The following PTGS1 variants were observed in gnomAD, a reference collection of about 807,000 sequenced individuals.
PTGS1 encodes the protein prostaglandin G/H synthase 1.
A neutral mutation model predicts 63.0 loss-of-function variants in PTGS1; 40 were observed. The ratio of observed to expected loss-of-function variants is 0.63; its 90% CI spans 0.49 to 0.83. The LOEUF is 0.83. PTGS1 is among the 40% of genes least tolerant of loss of function. The probability of loss-of-function intolerance (pLI) is 0.00; values close to 1 mark genes in which losing one functional copy is unlikely to be tolerated. For missense variants in PTGS1, 709 were observed against 786.5 expected, an observed-to-expected ratio of 0.90 and a Z score of 1.18; for synonymous variants, 298 against 301.9, an observed-to-expected ratio of 0.99 and a Z score of 0.13.
At chr9:122,391,712 AT>A (rs150230322) in intron 10 of PTGS1, among the ~76,000 whole-genome samples, 3,563 of 151,220 alleles carry the variant, frequency 0.024, 120 homozygotes, top group African/African-American at 0.081. Flanking sequence ...CCCATGACAA[AT>A]GGTCCCCGGG....
At chr9:122,381,297 G>A (rs1837496617) in intron 5 of PTGS1, 74 bp from the exon 6 acceptor site, 2 of 1,498,116 alleles carry the variant, frequency 1.3e-6, no homozygotes, top group Middle Eastern at 2.2e-4. Context: ...CAGTTTGCCT[G>A]GTGAGCCCAG....
rs139319631 is a variant in PTGS1, at chr9:122,386,697, C to T, written c.1261C>T (p.Leu421=). 2.2e-4 allele frequency: 350 copies of T among 1,614,214 alleles called. 1 individual carries two copies. The African/African-American group carries it at 2.3e-3, about 11-fold the overall frequency. Reference sequence around the variant, plus strand: ...GTTGGTGGACTATGGGGTTGAGGCCCTGGTGGATGCCTTCTCTCGCCAGAT... The same window carrying T: ...GTTGGTGGACTATGGGGTTGAGGCCTTGGTGGATGCCTTCTCTCGCCAGAT... The part of the protein sequence containing the change: ...SMLVDYGVEA[L]VDAFSRQIAG... The change falls in exon 9 of 11, where the codon CTG becomes TTG. Residue 421 remains leucine (L), a synonymous_variant. Transcript: ENST00000362012.
At position 122,393,455 on chromosome 9, in the gene PTGS1, AC is replaced by A. The variant is rs1838402726; in HGVS notation, c.*913del. On this transcript the variant is annotated 3_prime_UTR_variant, in exon 11 of 11. Transcript: ENST00000362012. ...GGGCCCATCACTGTATAGACATGCT[AC>A]CACTGGTACTTCCTTTCTCCCTGCG... 1 of 152,158 alleles carries A rather than the reference AC, an allele frequency of 6.6e-6. No individual in the cohort carries two copies. Among genetic ancestry groups the A allele is most frequent in the Admixed American group, 6.5e-5 (1 of 15,272 alleles). The allele number at this position is 152,158 out of a possible 1,614,324, so 9.4% of individuals were successfully genotyped here.
intron 9 of PTGS1, among the ~76,000 whole-genome samples, chr9:122,388,670 C>G (rs57914153): frequency 3.3e-5 from 5 of 152,160 alleles, no homozygotes; most frequent in Non-Finnish European, 7.3e-5. Flanking sequence ...TGTTCTCTCT[C>G]AAGGCTCTAT....
chr9:122,382,144 G>C (rs10306150), intron 7 of PTGS1, among the ~76,000 whole-genome samples: 33,512 of 152,072 alleles, frequency 0.22, 5,210 homozygotes, highest in African/African-American at 0.43. Flanking sequence ...ATTCTATGAG[G>C]GCTTTTGTTT....
In PTGS1 at chr9:122,395,384, C is replaced by CTATAGCACACAGTTATT. The variant is rs1838519562; in HGVS notation, c.*2843_*2859dup. The CTATAGCACACAGTTATT allele has an allele frequency of 6.6e-6, 1 of 152,098 alleles. No individual in the cohort carries two copies. Among genetic ancestry groups the CTATAGCACACAGTTATT allele is most frequent in the African/African-American group, 2.4e-5 (1 of 41,402 alleles). The allele number at this position is 152,098 out of a possible 1,614,324, so 9.4% of individuals were successfully genotyped here. A position where few individuals can be genotyped will look rare whatever the true frequency, so the allele number is the denominator to read the frequency against. ...GGTTTTATTTGTCAGTTTGGTTGGG[C>CTATAGCACACAGTTATT]TATAGCACACAGTTATTTAATCAAA... On this transcript the variant is annotated 3_prime_UTR_variant, in exon 11 of 11. Transcript: ENST00000362012.
intron 9 of PTGS1, among the ~76,000 whole-genome samples, chr9:122,388,676 T>C (rs1838025551): frequency 6.6e-6 from 1 of 152,186 alleles, no homozygotes; most frequent in Non-Finnish European, 1.5e-5. Flanking sequence ...CTCTCAAGGC[T>C]CTATGCCTCC....
intron 3 of PTGS1, among the ~76,000 whole-genome samples, 180 bp downstream of exon 3, chr9:122,378,195 C>T (rs760240376): frequency 1.3e-5 from 2 of 152,204 alleles, no homozygotes; most frequent in Non-Finnish European, 2.9e-5. Context: ...TTGGTCCACC[C>T]TCACTCCCTG....
intron 5 of PTGS1, 63 bp downstream of exon 5, chr9:122,378,981 A>G: frequency 6.3e-7 from 1 of 1,589,200 alleles, no homozygotes; most frequent in Non-Finnish European, 8.6e-7. Context: ...TCTCTTTGGG[A>G]AAAATCAGGC....
chr9:122,377,878 A>G, intron 2 of PTGS1, 21 bp from the exon 3 acceptor site: 2 of 1,606,414 alleles, frequency 1.2e-6, no homozygotes, highest in Admixed American at 1.7e-5. Context: ...ATGGTCTCTG[A>G]CCTCCATTTC....
chr9:122,387,864 G>T (rs1483886987), intron 9 of PTGS1, among the ~76,000 whole-genome samples: 3 of 152,306 alleles, frequency 2.0e-5, no homozygotes, highest in East Asian at 3.9e-4. Context: ...TGGCTCCCCT[G>T]TTGCCTCACA....
rs969506010 is a variant in PTGS1, at chr9:122,378,889, A to C, written c.467A>C (p.Lys156Thr). 6.2e-7 allele frequency: 1 copy of C among 1,614,172 alleles called. No homozygotes were observed. The highest frequency in any genetic ancestry group is 8.5e-7 in the Non-Finnish European group (1 of 1,180,024). ...ACTCGTATTCTGCCCTCTGTGCCTAAAGATTGCCCCACACCCATGGGAACC... is the reference window on the plus strand; with the variant it reads ...ACTCGTATTCTGCCCTCTGTGCCTACAGATTGCCCCACACCCATGGGAACC... ...YYTRILPSVP[K>T]DCPTPMGTKG... is the part of the protein sequence containing the mutation. Residue 156 changes from lysine to threonine, a missense_variant, in exon 5 of 11, where the codon AAA (lysine) becomes ACA (threonine). Transcript: ENST00000362012.
intron 9 of PTGS1, among the ~76,000 whole-genome samples, chr9:122,388,249 T>C (rs984080746): frequency 6.6e-6 from 1 of 152,196 alleles, no homozygotes; most frequent in African/African-American, 2.4e-5. Context: ...TTTTGCCATA[T>C]TGCCCAGGCT....
chr9:122,386,731 G>T lies in PTGS1; in HGVS notation c.1295G>T (p.Arg432Leu), dbSNP rs371818443. The T allele has an allele frequency of 1.9e-6, 3 of 1,613,792 alleles. No individual in the cohort carries two copies. Among genetic ancestry groups the T allele is most frequent in the African/African-American group, 1.3e-5 (1 of 74,916 alleles). The change falls in exon 9 of 11, where the codon CGG becomes CTG. Residue 432 changes from arginine (R) to leucine (L), a missense_variant and splice_region_variant. Physicochemically the swap from Arg to Leu is moderately radical, Grantham distance 102. Transcript: ENST00000362012. The part of the protein sequence containing the change: ...VDAFSRQIAG[R>L]IGGGRNMDHH... The stretch of plus-strand genomic sequence containing the variant: ...GCCTTCTCTCGCCAGATTGCTGGCC[G>T]GGTAAGCCCCAGAGGAGTGCTGGTG...
At position 122,386,581 on chromosome 9, in the gene PTGS1, A is replaced by G. The variant is rs201487422; in HGVS notation, c.1145A>G (p.His382Arg). 6.2e-7 allele frequency: 1 copy of G among 1,614,166 alleles called. No homozygotes were observed. The highest frequency in any genetic ancestry group is 8.5e-7 in the Non-Finnish European group (1 of 1,180,028). The change falls in exon 9 of 11, where the codon CAT (histidine) becomes CGT (arginine). Residue 382 changes from histidine (H) to arginine (R), a missense_variant. His to Arg is a conservative substitution (Grantham distance 29). Coordinates refer to ENST00000362012, the MANE Select transcript of PTGS1 (RefSeq NM_000962.4). ...AACCGCATTGCCATGGAGTTCAACC[A>G]TCTCTACCACTGGCACCCCCTCATG... The part of the protein sequence containing the change: ...YRNRIAMEFN[H>R]LYHWHPLMPD...
intron 2 of PTGS1, among the ~76,000 whole-genome samples, chr9:122,373,952 G>T (rs564456238): frequency 6.6e-6 from 1 of 152,006 alleles, no homozygotes; most frequent in East Asian, 1.9e-4. Flanking sequence ...GGGCAATCTT[G>T]CAGCCTGACA....
chr9:122,377,469 C>T (rs992957111), intron 2 of PTGS1, among the ~76,000 whole-genome samples: 2 of 150,872 alleles, frequency 1.3e-5, no homozygotes, highest in South Asian at 4.2e-4. Context: ...TTTCTGACCG[C>T]CCCCCCACCC....
chr9:122,371,775 G>C (rs1208834542), intron 2 of PTGS1: 6 of 1,533,826 alleles, frequency 3.9e-6, no homozygotes, highest in Non-Finnish European at 5.2e-6. Flanking sequence ...TTTAGGAGCC[G>C]GGATGCTTCA....
Position 122,390,207 on chromosome 9 carries a change from G to C in PTGS1, c.1306G>C (p.Gly436Arg). ...SRQIAGRIGGGRNMDHHILHV... is the reference protein window; with the variant it reads ...SRQIAGRIGGRRNMDHHILHV... ...GCTTCTCTCTCGGCAGATCGGTGGGGGCAGGAACATGGACCACCACATCCT... is the reference window on the plus strand; with the variant it reads ...GCTTCTCTCTCGGCAGATCGGTGGGCGCAGGAACATGGACCACCACATCCT... Residue 436 changes from glycine (G) to arginine (R), a missense_variant, in exon 10 of 11, where the codon GGC becomes CGC. Physicochemically the swap from Gly to Arg is moderately radical, Grantham distance 125. Coordinates refer to ENST00000362012, the MANE Select transcript of PTGS1 (RefSeq NM_000962.4). The C allele has an allele frequency of 6.2e-7, 1 of 1,613,888 alleles. No individual in the cohort carries two copies. The highest frequency in any genetic ancestry group is 8.5e-7 in the Non-Finnish European group (1 of 1,179,902).
Sources: allele counts gnomAD v4.1 joint callset (sites outside exome capture counted in the v4.1 genomes callset), GRCh38; gene constraint gnomAD v4.1.1; transcripts MANE v1.5; gene names NCBI Gene and HGNC (gene_info 2026-07-23, HGNC 2026-07-21).